PPIL1: variants seen among roughly 807,000 people sequenced by gnomAD.
PPIL1 encodes the protein peptidylprolyl isomerase like 1.
A neutral mutation model predicts 19.4 loss-of-function variants in PPIL1; 14 were observed. The observed-to-expected ratio is 0.72, with a 90% CI of 0.48 to 1.13. PPIL1 has a LOEUF of 1.13. PPIL1 is among the 50% of genes most tolerant of loss of function. PPIL1 has a pLI of 0.00. For synonymous variants in PPIL1, 72 were observed against 73.6 expected (o/e 0.98, Z 0.11); for missense variants, 192 against 218.0 (o/e 0.88, Z 0.75).
At chr6:36,856,534 T>C in intron 3 of PPIL1, 52 bp downstream of exon 3, 2 of 1,507,012 alleles carry the variant, frequency 1.3e-6, no homozygotes, top group Non-Finnish European at 1.8e-6. Flanking sequence ...GCCAAAAGAG[T>C]GAGCTTTTAA....
At chr6:36,873,803 C>T (rs894915227) in intron 1 of PPIL1, among the ~76,000 whole-genome samples, 1 of 152,174 alleles carries the variant, frequency 6.6e-6, no homozygotes, top group African/African-American at 2.4e-5. Flanking sequence ...AGGACCTTGG[C>T]TGGTCCCTGG....
intron 3 of PPIL1, among the ~76,000 whole-genome samples, 195 bp from the exon 4 acceptor site, chr6:36,856,228 C>T (rs934642672): frequency 1.3e-5 from 2 of 152,224 alleles, no homozygotes; most frequent in Non-Finnish European, 2.9e-5. Flanking sequence ...ACTTCATCTT[C>T]CTTGTCCTCA....
chr6:36,874,219 C>A (rs1256814154), intron 1 of PPIL1, among the ~76,000 whole-genome samples: 2 of 152,152 alleles, frequency 1.3e-5, no homozygotes, highest in Admixed American at 1.3e-4. Flanking sequence ...GGGCATGGCG[C>A]CAGCAGGTTG....
chr6:36,863,435 C>T (rs1774330294), intron 2 of PPIL1, among the ~76,000 whole-genome samples: 1 of 152,154 alleles, frequency 6.6e-6, no homozygotes, highest in South Asian at 2.1e-4. Flanking sequence ...CCATGACTAT[C>T]CTACCACCAC....
intron 1 of PPIL1, among the ~76,000 whole-genome samples, 159 bp downstream of exon 1, chr6:36,874,558 C>T (rs532362718): frequency 5.9e-5 from 9 of 152,350 alleles, no homozygotes; most frequent in South Asian, 2.1e-4. Flanking sequence ...CGGGCGATGG[C>T]GGTCCCCTCT....
rs1482542650 is a variant in PPIL1, at chr6:36,858,033, G to A, written c.212-1379C>T. 4.6e-5 allele frequency among the ~76,000 whole-genome samples: 7 copies of A among 151,710 alleles called. 1 individual carries two copies. In the East Asian group the frequency reaches 1.2e-3, roughly 25 times the overall value. On this transcript the variant is annotated intron_variant, in intron 2 of 3. Transcript: ENST00000373699. The stretch of plus-strand genomic sequence containing the variant: ...TCACGAGGTCATGAGTTCGAGACCA[G>A]CCTGGCCAACATAGTGAAACCCCCA...
Position 36,856,020 on chromosome 6 carries a change from G to A in PPIL1, c.294C>T (p.Leu98=), listed in dbSNP as rs111898081. The change falls in exon 4 of 4, where the codon CTC becomes CTT. Residue 98 remains leucine, a synonymous_variant. Transcript: ENST00000373699. Reference sequence around the variant, plus strand: ...TATCTGGCCCCGCATTGGCCATTGCGAGAATTCCAGCCCCTGGTGGGAAAA... The same window carrying A: ...TATCTGGCCCCGCATTGGCCATTGCAAGAATTCCAGCCCCTGGTGGGAAAA... ...PDLKFTGAGI[L]AMANAGPDTN... 1.2e-4 allele frequency: 196 copies of A among 1,614,070 alleles called. 2 individuals are homozygous for A. In the Middle Eastern group the frequency reaches 6.4e-3, roughly 53 times the overall value.
At chr6:36,868,860 C>CAA (rs1774450969) in intron 2 of PPIL1, among the ~76,000 whole-genome samples, 1 of 152,008 alleles carries the variant, frequency 6.6e-6, no homozygotes, top group Non-Finnish European at 1.5e-5. Flanking sequence ...ACAACAACAA[C>CAA]AACAAAAACA....
intron 2 of PPIL1, among the ~76,000 whole-genome samples, chr6:36,859,339 C>T (rs891785260): frequency 1.1e-4 from 17 of 149,970 alleles, no homozygotes; most frequent in African/African-American, 4.2e-4. Context: ...GCAGGAGAAT[C>T]GCTTGAACCT....
At position 36,855,823 on chromosome 6, in the gene PPIL1, G is replaced by C; in HGVS notation, c.491C>G (p.Pro164Arg). ...AAGAGGGTAGCAAGTCTACCCAGAA[G>C]GGTATGCCTTAATGATCTTCACGTC... ...VDDVKIIKAYPSG is the reference protein window; with the variant it reads ...VDDVKIIKAYRSG Residue 164 changes from proline (P) to arginine (R), a missense_variant, in exon 4 of 4, where the codon CCT becomes CGT. Pro to Arg is a moderately radical substitution (Grantham distance 103, BLOSUM62 -2). Transcript: ENST00000373699. The C allele has an allele frequency of 1.2e-6, 2 of 1,614,142 alleles. No individual in the cohort carries two copies. Among genetic ancestry groups the C allele is most frequent in the Non-Finnish European group, 1.7e-6 (2 of 1,179,994 alleles).
At chr6:36,872,784 T>A (rs1441931617) in intron 1 of PPIL1, among the ~76,000 whole-genome samples, 1 of 152,124 alleles carries the variant, frequency 6.6e-6, no homozygotes, top group Non-Finnish European at 1.5e-5. Context: ...ATTTGTTGTA[T>A]TTTTTTGTAG....
At chr6:36,860,344 T>C (rs1368959701) in intron 2 of PPIL1, among the ~76,000 whole-genome samples, 1 of 151,970 alleles carries the variant, frequency 6.6e-6, no homozygotes, top group African/African-American at 2.4e-5. Context: ...CAGTCCCAGC[T>C]ACAGCTACTC....
intron 1 of PPIL1, 130 bp downstream of exon 1, chr6:36,874,587 C>G (rs371124969): frequency 1.2e-5 from 16 of 1,282,244 alleles, no homozygotes; most frequent in Non-Finnish European, 1.8e-5. Context: ...TGGGGGCCGT[C>G]TCGGCCGCTG....
chr6:36,859,424 C>CAAAAAAAAA (rs36097489), intron 2 of PPIL1, among the ~76,000 whole-genome samples: 1 of 73,210 alleles, frequency 1.4e-5, no homozygotes, highest in Non-Finnish European at 2.5e-5. Context: ...GACCCTGTCT[C>CAAAAAAAAA]AAAAAAAAAA....
At chr6:36,872,075 G>A (rs6915283) in intron 1 of PPIL1, 1 of 438,600 alleles carries the variant, frequency 2.3e-6, no homozygotes, top group Non-Finnish European at 3.9e-6. Flanking sequence ...AAACACGCAG[G>A]TGTTCTGGGT....
intron 2 of PPIL1, among the ~76,000 whole-genome samples, chr6:36,869,482 A>G (rs994118954): frequency 2.0e-5 from 3 of 152,334 alleles, no homozygotes; most frequent in African/African-American, 7.2e-5. Flanking sequence ...AGTAACAGGC[A>G]GAAATTCTGA....
chr6:36,857,787 T>TA (rs1008443216), intron 2 of PPIL1, among the ~76,000 whole-genome samples: 39 of 152,024 alleles, frequency 2.6e-4, no homozygotes, highest in African/African-American at 9.2e-4. Flanking sequence ...TGACTCTAAA[T>TA]AAATGAATAA....
intron 2 of PPIL1, 68 bp downstream of exon 2, chr6:36,871,650 G>T: frequency 6.6e-7 from 1 of 1,519,280 alleles, no homozygotes; most frequent in South Asian, 1.3e-5. Flanking sequence ...ACTAATGCTG[G>T]CTTTAGAAAA....
chr6:36,866,475 C>T (rs982292445), intron 2 of PPIL1, among the ~76,000 whole-genome samples: 1 of 152,070 alleles, frequency 6.6e-6, no homozygotes, highest in African/African-American at 2.4e-5. Context: ...CTCCTGCTTG[C>T]CTTCCACCAT....
Sources: gnomAD v4.1 joint callset for allele counts (sites outside exome capture counted in the v4.1 genomes callset) on GRCh38, gnomAD v4.1.1 for gene constraint, MANE v1.5 for transcripts, NCBI Gene and HGNC (gene_info 2026-07-23, HGNC 2026-07-21) for gene names.